PAPPA: variants seen among roughly 807,000 people sequenced by gnomAD.
PAPPA encodes pappalysin 1.
PAPPA carries 60 observed loss-of-function variants against 164.0 expected under a neutral mutation model. The ratio of observed to expected loss-of-function variants is 0.37; its 90% CI spans 0.30 to 0.45. The LOEUF (loss-of-function observed/expected upper bound fraction) is 0.45. Among genes scored for constraint, PAPPA ranks in the 20% least tolerant of loss-of-function variants. The pLI is 1.00. For synonymous variants in PAPPA, 875 were observed against 814.1 expected (o/e 1.07, Z -1.27); for missense variants, 1,782 against 2,087.3 (o/e 0.85, Z 2.85).
chr9:116,227,647 G>C (rs13290387), intron 6 of PAPPA, 95 bp downstream of exon 6: 745,282 of 1,303,622 alleles, frequency 0.57, 217,832 homozygotes, highest in Non-Finnish European at 0.6. Flanking sequence ...ATGGGTCTTT[G>C]CCATGTATCA....
At position 116,154,106 on chromosome 9, in the gene PAPPA, G is replaced by A; in HGVS notation, c.-67G>A. ...AAGCGAAGAAAGTCGAGGCGCCGAGGCTCCCAAAGCTGGCAGCTCCGGGTG... is the reference window on the plus strand; with the variant it reads ...AAGCGAAGAAAGTCGAGGCGCCGAGACTCCCAAAGCTGGCAGCTCCGGGTG... On this transcript the variant is annotated 5_prime_UTR_variant, in exon 1 of 22. Transcript: ENST00000328252. This position sits in a 1 kb window ranked among gnomAD's most constrained non-coding sequence, Gnocchi z 5.2. The A allele has an allele frequency of 8.7e-7, 1 of 1,146,136 alleles. No individual in the cohort carries two copies. Among genetic ancestry groups the A allele is most frequent in the South Asian group, 1.6e-5 (1 of 60,674 alleles). The allele number at this position is 1,146,136 out of a possible 1,614,324, so 71.0% of individuals were successfully genotyped here.
At chr9:116,227,614 G>A (rs1161756594) in intron 6 of PAPPA, 62 bp downstream of exon 6, 2 of 1,546,566 alleles carry the variant, frequency 1.3e-6, no homozygotes, top group East Asian at 2.3e-5. Context: ...CTCTTTCAAT[G>A]TATATGGGGT....
chr9:116,320,961 TTTGAG>T (rs1170022002), intron 10 of PAPPA, among the ~76,000 whole-genome samples: 2 of 152,034 alleles, frequency 1.3e-5, no homozygotes, highest in African/African-American at 4.8e-5. Flanking sequence ...AGTTGGAAGA[TTTGAG>T]TTGTGTTTGT....
chr9:116,166,303 G>T (rs1413445924), intron 1 of PAPPA, among the ~76,000 whole-genome samples: 1 of 152,182 alleles, frequency 6.6e-6, no homozygotes. Flanking sequence ...TTTTGGCCTT[G>T]GTCTTCGCCT....
chr9:116,384,172 C>G (rs1368450536), intron 21 of PAPPA, among the ~76,000 whole-genome samples: 1 of 151,804 alleles, frequency 6.6e-6, no homozygotes, highest in Non-Finnish European at 1.5e-5. Context: ...ACGGTTGTAA[C>G]TCCAGCACTT....
In PAPPA at chr9:116,330,481, A is replaced by G. The variant is rs138008831; in HGVS notation, c.3148-763A>G. 5.0e-4 allele frequency among the ~76,000 whole-genome samples: 76 copies of G among 152,328 alleles called. 1 individual carries two copies. Among genetic ancestry groups the G allele is most frequent in the African/African-American group, 1.8e-3 (75 of 41,578 alleles). On this transcript the variant is annotated intron_variant, in intron 10 of 21. Transcript: ENST00000328252. The stretch of plus-strand genomic sequence containing the variant: ...GAATGAATGAATGAACCAGTAAACG[A>G]AGTGACATTTGAATATGCAAGAAAC...
intron 1 of PAPPA, among the ~76,000 whole-genome samples, chr9:116,177,110 A>G (rs1422413032): frequency 2.0e-5 from 3 of 152,046 alleles, no homozygotes; most frequent in African/African-American, 7.2e-5. Context: ...GATACTTCCC[A>G]TGTGCATTTG....
At chr9:116,224,377 G>A (rs1844479734) in intron 5 of PAPPA, among the ~76,000 whole-genome samples, 1 of 152,178 alleles carries the variant, frequency 6.6e-6, no homozygotes, top group South Asian at 2.1e-4. Flanking sequence ...TGAAGTCTTT[G>A]CGACCTCATC....
intron 9 of PAPPA, among the ~76,000 whole-genome samples, chr9:116,289,335 AGCATATATATG>A (rs1180544703): frequency 2.2e-5 from 3 of 138,494 alleles, no homozygotes; most frequent in South Asian, 2.3e-4. Flanking sequence ...GCATATATAT[AGCATATATATG>A]GCATATATAT....
intron 21 of PAPPA, 128 bp from the exon 22 acceptor site, chr9:116,396,381 A>G: frequency 1.4e-6 from 1 of 707,562 alleles, no homozygotes; most frequent in Non-Finnish European, 2.6e-6. Flanking sequence ...GATAGCAAGA[A>G]GCAGAGCCAT....
intron 13 of PAPPA, among the ~76,000 whole-genome samples, chr9:116,343,879 A>G (rs1000720640): frequency 7.2e-5 from 11 of 151,778 alleles, no homozygotes; most frequent in African/African-American, 2.2e-4. Context: ...TCCTGCCTCA[A>G]CCTCCTGAGT....
chr9:116,366,121 G>A (rs779769294), intron 18 of PAPPA, among the ~76,000 whole-genome samples: 2 of 152,180 alleles, frequency 1.3e-5, no homozygotes, highest in Admixed American at 6.5e-5. Context: ...GGGTGGTTTC[G>A]ATACTAAGAG....
At chr9:116,195,473 G>A (rs182294733) in intron 2 of PAPPA, among the ~76,000 whole-genome samples, 38 of 152,272 alleles carry the variant, frequency 2.5e-4, no homozygotes, top group Non-Finnish European at 1.2e-4. Context: ...TTTTGGAGAC[G>A]GAACATACTA....
chr9:116,315,720 G>A (rs1845779924), intron 10 of PAPPA, among the ~76,000 whole-genome samples: 1 of 151,988 alleles, frequency 6.6e-6, no homozygotes, highest in South Asian at 2.1e-4. Context: ...AGGGTGTGAA[G>A]GAGTAAGAGG....
intron 21 of PAPPA, among the ~76,000 whole-genome samples, chr9:116,386,100 G>T (rs1434175885): frequency 6.6e-6 from 1 of 152,190 alleles, no homozygotes; most frequent in African/African-American, 2.4e-5. Context: ...AACTGTACAT[G>T]AAGTATGGAT....
At chr9:116,393,205 T>G (rs1025004986) in intron 21 of PAPPA, among the ~76,000 whole-genome samples, 1 of 152,164 alleles carries the variant, frequency 6.6e-6, no homozygotes, top group Non-Finnish European at 1.5e-5. Context: ...GTGAAGAAAT[T>G]CTATGTTTCA....
At chr9:116,171,105 T>A (rs966132493) in intron 1 of PAPPA, among the ~76,000 whole-genome samples, 10 of 152,206 alleles carry the variant, frequency 6.6e-5, no homozygotes, top group African/African-American at 2.4e-4. Flanking sequence ...TACCCTTAGG[T>A]TAGCAGGTAC....
At chr9:116,377,518 G>A (rs913672534) in intron 19 of PAPPA, 58 bp from the exon 20 acceptor site, 12 of 1,209,992 alleles carry the variant, frequency 9.9e-6, no homozygotes, top group Middle Eastern at 3.8e-4. Context: ...ATGCCAACAC[G>A]GAGGTGGGTC....
At chr9:116,387,792 G>A (rs911190610) in intron 21 of PAPPA, among the ~76,000 whole-genome samples, 1 of 152,210 alleles carries the variant, frequency 6.6e-6, no homozygotes, top group Admixed American at 6.5e-5. Flanking sequence ...AATTCAAGCT[G>A]CACAGCACCT....
Sources: allele counts gnomAD v4.1 joint callset (sites outside exome capture counted in the v4.1 genomes callset), GRCh38; gene constraint gnomAD v4.1.1; non-coding constraint Gnocchi (gnomAD v3.1); transcripts MANE v1.5; gene names NCBI Gene and HGNC (gene_info 2026-07-23, HGNC 2026-07-21).